Variants in KLHL1 observed in about 807,000 individuals in gnomAD.
KLHL1 encodes kelch-like protein 1.
KLHL1 carries 47 observed loss-of-function variants against 77.7 expected under a neutral mutation model. That is an observed-to-expected ratio of 0.60 (90% CI 0.48 to 0.77). The LOEUF (loss-of-function observed/expected upper bound fraction) is 0.77. Among genes scored for constraint, KLHL1 ranks in the 30% least tolerant of loss-of-function variants. The pLI is 0.00. For missense variants in KLHL1, 925 were observed against 910.8 expected (o/e 1.02, Z -0.20); for synonymous variants, 360 against 325.2 (o/e 1.11, Z -1.15).
At chr13:70,080,711 C>T (rs1438995072) in intron 1 of KLHL1, among the ~76,000 whole-genome samples, 4 of 152,072 alleles carry the variant, frequency 2.6e-5, no homozygotes, top group Non-Finnish European at 4.4e-5. Context: ...ATTCTCCTTC[C>T]TCAGCCTCCC....
intron 1 of KLHL1, among the ~76,000 whole-genome samples, chr13:70,023,143 A>G (rs1885845716): frequency 6.6e-6 from 1 of 151,942 alleles, no homozygotes; most frequent in East Asian, 1.9e-4. Context: ...AACAGATAAC[A>G]TTATCACCAG....
chr13:69,988,554 T>C (rs1057142394), intron 1 of KLHL1, among the ~76,000 whole-genome samples: 3 of 152,136 alleles, frequency 2.0e-5, no homozygotes, highest in South Asian at 2.1e-4. Context: ...CCGCAACAGA[T>C]GAAGTAATTT....
intron 1 of KLHL1, among the ~76,000 whole-genome samples, chr13:70,053,442 C>G (rs1040816002): frequency 6.6e-6 from 1 of 151,890 alleles, no homozygotes; most frequent in South Asian, 2.1e-4. Flanking sequence ...GATTTAGAAA[C>G]AACTCAAGAG....
At chr13:70,100,521 G>A (rs1029121807) in intron 1 of KLHL1, among the ~76,000 whole-genome samples, 1 of 152,066 alleles carries the variant, frequency 6.6e-6, no homozygotes. Context: ...TTTTAGTAGA[G>A]ACGGGGTTTC....
intron 7 of KLHL1, among the ~76,000 whole-genome samples, chr13:69,747,327 G>T (rs2137941529): frequency 6.6e-6 from 1 of 151,964 alleles, no homozygotes; most frequent in South Asian, 2.1e-4. Context: ...CATTGTTTTG[G>T]TTTTTGTTTA....
intron 6 of KLHL1, among the ~76,000 whole-genome samples, chr13:69,837,856 C>A (rs1016612956): frequency 6.6e-6 from 1 of 151,198 alleles, no homozygotes; most frequent in Non-Finnish European, 1.5e-5. Context: ...GCTTTAGTAC[C>A]TTCTCCCAGG....
chr13:70,052,761 T>C (rs1302572808), intron 1 of KLHL1, among the ~76,000 whole-genome samples: 1 of 151,872 alleles, frequency 6.6e-6, no homozygotes, highest in African/African-American at 2.4e-5. Flanking sequence ...ACATAGGCCT[T>C]AGGTTAATTT....
chr13:69,814,973 T>G (rs1403018331), intron 6 of KLHL1, among the ~76,000 whole-genome samples: 1 of 151,958 alleles, frequency 6.6e-6, no homozygotes, highest in Non-Finnish European at 1.5e-5. Context: ...ATCGCACCAC[T>G]GCACTCCAGC....
intron 1 of KLHL1, among the ~76,000 whole-genome samples, chr13:70,018,215 G>C (rs978255898): frequency 6.6e-6 from 1 of 152,032 alleles, no homozygotes; most frequent in Admixed American, 6.6e-5. Flanking sequence ...TAATACAATC[G>C]TTACTCACAA....
At chr13:69,848,258 A>C (rs1879548209) in intron 5 of KLHL1, among the ~76,000 whole-genome samples, 1 of 151,494 alleles carries the variant, frequency 6.6e-6, no homozygotes, top group Admixed American at 6.6e-5. Flanking sequence ...TGGCAGTATG[A>C]GACAGTTTGT....
chr13:69,926,990 C>T (rs1882839929), intron 4 of KLHL1, among the ~76,000 whole-genome samples: 1 of 143,140 alleles, frequency 7.0e-6, no homozygotes, highest in South Asian at 2.3e-4. Context: ...TCACACTTCC[C>T]AATTTCAAAA....
chr13:69,707,587 C>A (rs926724153), intron 10 of KLHL1, 38 bp downstream of exon 10: 1 of 1,566,190 alleles, frequency 6.4e-7, no homozygotes. Flanking sequence ...GAAATAAATT[C>A]TTATCCTTGA....
intron 3 of KLHL1, among the ~76,000 whole-genome samples, chr13:69,950,777 G>A (rs1483676664): frequency 6.6e-6 from 1 of 151,538 alleles, no homozygotes; most frequent in Non-Finnish European, 1.5e-5. Flanking sequence ...CTTGAACCCA[G>A]TTGAGTTTGA....
chr13:69,709,923 C>A (rs894366031), intron 9 of KLHL1, among the ~76,000 whole-genome samples: 19 of 151,798 alleles, frequency 1.3e-4, no homozygotes, highest in African/African-American at 3.6e-4. Context: ...AGAATACAGT[C>A]TGGATTTTGT....
chr13:69,831,483 G>C (rs9529646), intron 6 of KLHL1, among the ~76,000 whole-genome samples: 33,894 of 149,346 alleles, frequency 0.23, 5,592 homozygotes, highest in South Asian at 0.34. Flanking sequence ...CAGAAGTCCA[G>C]GACCCAGTGG....
At chr13:69,862,840 TA>T (rs1299992406) in intron 5 of KLHL1, among the ~76,000 whole-genome samples, 2 of 152,084 alleles carry the variant, frequency 1.3e-5, no homozygotes, top group African/African-American at 4.8e-5. Context: ...CACCAGCAAC[TA>T]AATTTGCAGG....
intron 1 of KLHL1, among the ~76,000 whole-genome samples, chr13:69,977,363 T>G (rs953618096): frequency 6.6e-6 from 1 of 151,028 alleles, no homozygotes; most frequent in East Asian, 1.9e-4. Context: ...TGGAAACAAA[T>G]AAGGCAATAC....
intron 1 of KLHL1, among the ~76,000 whole-genome samples, chr13:70,096,452 G>A (rs1454880677): frequency 1.3e-5 from 2 of 152,006 alleles, no homozygotes; most frequent in African/African-American, 4.8e-5. Flanking sequence ...TAATGATGGT[G>A]AGCATTTTTA....
intron 8 of KLHL1, among the ~76,000 whole-genome samples, chr13:69,737,923 C>T (rs1375266296): frequency 1.3e-5 from 2 of 152,164 alleles, no homozygotes; most frequent in Non-Finnish European, 2.9e-5. Flanking sequence ...CTTGATCCTG[C>T]TCCTCCTGAC....
Sources: gnomAD v4.1 joint callset for allele counts (sites outside exome capture counted in the v4.1 genomes callset) on GRCh38, gnomAD v4.1.1 for gene constraint, MANE v1.5 for transcripts, NCBI Gene and HGNC (gene_info 2026-07-23, HGNC 2026-07-21) for gene names.